Variants in KIF13A observed in about 807,000 individuals in gnomAD.
KIF13A encodes the protein kinesin family member 13A.
KIF13A carries 79 observed loss-of-function variants against 212.2 expected under a neutral mutation model. That is an observed-to-expected ratio of 0.37 (90% CI 0.31 to 0.45). KIF13A has a LOEUF of 0.45. Among genes scored for constraint, KIF13A ranks in the 20% least tolerant of loss-of-function variants. The pLI, the probability that KIF13A is intolerant of heterozygous loss-of-function variation, is 1.00. For synonymous variants in KIF13A, 789 were observed against 808.6 expected (o/e 0.98, Z 0.41); for missense variants, 1,901 against 2,209.0 (o/e 0.86, Z 2.79).
chr6:17,802,162 C>T (rs986464105), intron 20 of KIF13A, among the ~76,000 whole-genome samples: 1 of 152,070 alleles, frequency 6.6e-6, no homozygotes, highest in African/African-American at 2.4e-5. Context: ...TTCCACACAG[C>T]AATTGGTACT....
rs77157929 is a variant in KIF13A, at chr6:17,947,004, T to C, written c.146+40050A>G. Among the ~76,000 whole-genome samples, 57 of 152,360 alleles carry C rather than the reference T, an allele frequency of 3.7e-4. No homozygotes were observed. The highest frequency in any genetic ancestry group is 7.5e-4 in the Non-Finnish European group (51 of 68,030). On this transcript the variant is annotated intron_variant, in intron 2 of 38. Coordinates refer to ENST00000259711, the MANE Select transcript of KIF13A (RefSeq NM_022113.6). The surrounding 1 kb of genome is among the most constrained non-coding windows in gnomAD (Gnocchi z 4.6). ...TTAAAATGGGTGAATTTTTATTATA[T>C]GTAAATTATACCTCAATAAAGCTAT... is the stretch of plus-strand genomic sequence containing the variant.
chr6:17,799,914 AG>A lies in KIF13A; in HGVS notation c.2616+37del, dbSNP rs1378954449. On this transcript the variant is annotated intron_variant, in intron 21 of 38. Transcript: ENST00000259711. The surrounding 1 kb of genome is among the most constrained non-coding windows in gnomAD (Gnocchi z 4.4). ...TTTGTAAAATGGTTTTGCATGAAAA[AG>A]GTCATTTATATGAGCCTCCCATCAC... The A allele has an allele frequency of 1.9e-6, 3 of 1,579,322 alleles. No individual in the cohort carries two copies. The highest frequency in any genetic ancestry group is 2.6e-6 in the Non-Finnish European group (3 of 1,165,108).
chr6:17,815,558 C>T, intron 17 of KIF13A: 1 of 413,040 alleles, frequency 2.4e-6, no homozygotes, highest in African/African-American at 2.0e-5. Context: ...TAACAGAGGG[C>T]TTACACTTGT....
intron 3 of KIF13A, among the ~76,000 whole-genome samples, chr6:17,896,282 C>T (rs1772559192): frequency 7.8e-6 from 1 of 127,788 alleles, no homozygotes; most frequent in Non-Finnish European, 1.6e-5. Flanking sequence ...CTCTGTCTGA[C>T]TCATGCAGCA....
chr6:17,977,867 A>G (rs1780722529), intron 2 of KIF13A, among the ~76,000 whole-genome samples: 1 of 152,238 alleles, frequency 6.6e-6, no homozygotes, highest in African/African-American at 2.4e-5. Context: ...CTGATTTGTT[A>G]AGCTTGGTAG....
chr6:17,953,439 A>G (rs1177642826), intron 2 of KIF13A: 1 of 152,116 alleles, frequency 6.6e-6, no homozygotes, highest in Non-Finnish European at 1.5e-5. Context: ...GAAAAAAAAA[A>G]TCTTTAAAGC....
intron 4 of KIF13A, among the ~76,000 whole-genome samples, chr6:17,859,638 A>ATATATATATATTTTTTTTTTTTTTT (rs1461455926): frequency 8.9e-6 from 1 of 111,858 alleles, no homozygotes; most frequent in Non-Finnish European, 1.8e-5. Flanking sequence ...ATATATATAT[A>ATATATATATATTTTTTTTTTTTTTT]TTTTTTTTTT....
chr6:17,763,816 G>C lies in KIF13A; in HGVS notation c.*294C>G. On this transcript the variant is annotated 3_prime_UTR_variant, in exon 39 of 39. Coordinates refer to ENST00000259711, the MANE Select transcript of KIF13A (RefSeq NM_022113.6). ...ATGGTAGATGCTACCAGAACACTTT[G>C]GGAAAACTGGTAACTAAACATCCCA... 1 of 1,198,486 alleles carries C rather than the reference G, an allele frequency of 8.3e-7. No individual in the cohort carries two copies. The highest frequency in any genetic ancestry group is 1.0e-6 in the Non-Finnish European group (1 of 962,104). 74.2% of individuals were successfully genotyped at this position (1,198,486 alleles called of 1,614,324 possible).
chr6:17,853,895 C>CATTT (rs148334854), intron 6 of KIF13A, among the ~76,000 whole-genome samples: 25,781 of 151,326 alleles, frequency 0.17, 2,587 homozygotes, highest in South Asian at 0.31. Flanking sequence ...GGTCATGTTC[C>CATTT]ATTTATTTAT....
chr6:17,826,284 C>T lies in KIF13A; in HGVS notation c.1533-160G>A, dbSNP rs140579002. Among the ~76,000 whole-genome samples, 883 of 152,290 alleles carry T rather than the reference C, an allele frequency of 5.8e-3. 12 individuals are homozygous for T. The highest frequency in any genetic ancestry group is 0.02 in the African/African-American group (821 of 41,554). Reference sequence around the variant, plus strand: ...AATGTGTAACCACTATGAAAACACACAATCTAAGCCATGAGGACCAAGGGC... The same window carrying T: ...AATGTGTAACCACTATGAAAACACATAATCTAAGCCATGAGGACCAAGGGC... On this transcript the variant is annotated intron_variant, in intron 14 of 38. Coordinates refer to ENST00000259711, the MANE Select transcript of KIF13A (RefSeq NM_022113.6). This position sits in a 1 kb window ranked among gnomAD's most constrained non-coding sequence, Gnocchi z 4.7.
At chr6:17,861,114 T>C (rs897428235) in intron 4 of KIF13A, among the ~76,000 whole-genome samples, 1 of 152,196 alleles carries the variant, frequency 6.6e-6, no homozygotes, top group East Asian at 1.9e-4. Context: ...ATTTATCATA[T>C]TTAGTAAAGT....
intron 2 of KIF13A, among the ~76,000 whole-genome samples, chr6:17,966,846 C>CAA (rs1165667430): frequency 3.3e-5 from 5 of 152,044 alleles, no homozygotes; most frequent in African/African-American, 1.2e-4. Flanking sequence ...TGTAAATACT[C>CAA]AAAGCGTATT....
intron 30 of KIF13A, 118 bp downstream of exon 30, chr6:17,781,059 T>G: frequency 7.0e-7 from 1 of 1,423,148 alleles, no homozygotes; most frequent in Non-Finnish European, 9.7e-7. Flanking sequence ...ACAAATGTTC[T>G]ATTTTTTAAA....
intron 3 of KIF13A, among the ~76,000 whole-genome samples, chr6:17,880,551 C>T (rs1770965008): frequency 6.7e-6 from 1 of 150,174 alleles, no homozygotes; most frequent in Non-Finnish European, 1.5e-5. Flanking sequence ...TCATTTGAAC[C>T]CAGGAGGCGG....
intron 2 of KIF13A, among the ~76,000 whole-genome samples, chr6:17,966,893 G>A (rs1779375763): frequency 6.6e-6 from 1 of 152,172 alleles, no homozygotes; most frequent in African/African-American, 2.4e-5. Flanking sequence ...AAAGCACAGT[G>A]AGGTTAAGCA....
rs1024312105 is a variant in KIF13A, at chr6:17,915,157, T to C, written c.147-16977A>G. ...AGTCAGAACCAAACTTCATGCTCCATGTAATAGCTTCAGGGTTATTAGCTG... is the reference window on the plus strand; with the variant it reads ...AGTCAGAACCAAACTTCATGCTCCACGTAATAGCTTCAGGGTTATTAGCTG... On this transcript the variant is annotated intron_variant, in intron 2 of 38. Transcript: ENST00000259711. This position sits in a 1 kb window ranked among gnomAD's most constrained non-coding sequence, Gnocchi z 4.4. 2.0e-5 allele frequency among the ~76,000 whole-genome samples: 3 copies of C among 152,240 alleles called. No individual in the cohort carries two copies. Among genetic ancestry groups the C allele is most frequent in the African/African-American group, 7.2e-5 (3 of 41,456 alleles).
At position 17,849,527 on chromosome 6, in the gene KIF13A, C is replaced by A; in HGVS notation, c.718-38G>T. On this transcript the variant is annotated intron_variant, in intron 8 of 38. Transcript: ENST00000259711. This position sits in a 1 kb window ranked among gnomAD's most constrained non-coding sequence, Gnocchi z 5.7. ...AACGAGAGAGAGAAGAAAAACTTAT[C>A]AATAAAAACCACATGGATATCTACA... The A allele has an allele frequency of 7.0e-7, 1 of 1,435,122 alleles. No homozygotes were observed. The highest frequency in any genetic ancestry group is 1.2e-5 in the South Asian group (1 of 84,222). The allele number at this position is 1,435,122 out of a possible 1,614,324, so 88.9% of individuals were successfully genotyped here. A position where few individuals can be genotyped will look rare whatever the true frequency, so the allele number is the denominator to read the frequency against.
chr6:17,881,870 C>A, intron 3 of KIF13A: 1 of 378,790 alleles, frequency 2.6e-6, no homozygotes, highest in Admixed American at 3.1e-5. Context: ...GTGGCATGTG[C>A]CTGTTATTCC....
At position 17,883,609 on chromosome 6, in the gene KIF13A, C is replaced by T. The variant is rs909907340; in HGVS notation, c.160-10172G>A. Among the ~76,000 whole-genome samples, 8 of 152,220 alleles carry T rather than the reference C, an allele frequency of 5.3e-5. No individual in the cohort carries two copies. Among genetic ancestry groups the T allele is most frequent in the African/African-American group, 1.9e-4 (8 of 41,454 alleles). On this transcript the variant is annotated intron_variant, in intron 3 of 38. Coordinates refer to ENST00000259711, the MANE Select transcript of KIF13A (RefSeq NM_022113.6). The surrounding 1 kb of genome is among the most constrained non-coding windows in gnomAD (Gnocchi z 4.8). Reference sequence around the variant, plus strand: ...TATTTTTGTGTTTACTGGATTCCCACTGCTTTCCCAAAAAGACATAAGAAA... The same window carrying T: ...TATTTTTGTGTTTACTGGATTCCCATTGCTTTCCCAAAAAGACATAAGAAA...
Sources: gnomAD v4.1 joint callset for allele counts (sites outside exome capture counted in the v4.1 genomes callset) on GRCh38, gnomAD v4.1.1 for gene constraint, Gnocchi (gnomAD v3.1) non-coding constraint, MANE v1.5 for transcripts, NCBI Gene and HGNC (gene_info 2026-07-23, HGNC 2026-07-21) for gene names.